Variants in PATJ observed in about 807,000 individuals in gnomAD.
PATJ encodes the protein PATJ crumbs cell polarity complex component, also known as inaD-like protein.
A neutral mutation model predicts 224.9 loss-of-function variants in PATJ; 190 were observed. The observed-to-expected ratio is 0.84, with a 90% CI of 0.75 to 0.95. The LOEUF (loss-of-function observed/expected upper bound fraction) is 0.95, where lower values mean the gene tolerates loss of function less well. Ranked by LOEUF, PATJ falls within the 40% of genes least tolerant of loss-of-function variation. PATJ has a pLI of 0.00. For synonymous variants in PATJ, 769 were observed against 820.3 expected (o/e 0.94, Z 1.07); for missense variants, 2,121 against 2,270.3 (o/e 0.93, Z 1.34).
At chr1:61,969,809 T>A (rs1682690235) in intron 27 of PATJ, among the ~76,000 whole-genome samples, 1 of 152,128 alleles carries the variant, frequency 6.6e-6, no homozygotes, top group Admixed American at 6.5e-5. Flanking sequence ...TTCTCGTGCC[T>A]CAGCCGCCTG....
intron 28 of PATJ, among the ~76,000 whole-genome samples, chr1:62,004,179 T>C (rs1247157200): frequency 1.3e-5 from 2 of 152,170 alleles, no homozygotes; most frequent in South Asian, 2.1e-4. Context: ...ACTTACAGAG[T>C]ACCGGATCCT....
At chr1:61,880,158 T>A (rs987418951) in intron 21 of PATJ, among the ~76,000 whole-genome samples, 3 of 152,224 alleles carry the variant, frequency 2.0e-5, no homozygotes, top group Admixed American at 2.0e-4. Context: ...TCCTACCTGT[T>A]GCCTTATTTT....
intron 24 of PATJ, among the ~76,000 whole-genome samples, chr1:61,905,966 C>T (rs1240516423): frequency 2.0e-5 from 3 of 152,286 alleles, no homozygotes; most frequent in African/African-American, 4.8e-5. Context: ...TCTAGCATTA[C>T]ATCACACAGT....
In PATJ at chr1:62,161,382, A is replaced by G. The variant is rs1359637973; in HGVS notation, c.*328A>G. 1 of 157,546 alleles carries G rather than the reference A, an allele frequency of 6.3e-6. No individual in the cohort carries two copies. 9.8% of individuals were successfully genotyped at this position (157,546 alleles called of 1,614,324 possible). ...GAGACGGAGTCTCACTCTGTCACCCAGGCTGGAGTGCAATGGCGCAATCTT... is the reference window on the plus strand; with the variant it reads ...GAGACGGAGTCTCACTCTGTCACCCGGGCTGGAGTGCAATGGCGCAATCTT... On this transcript the variant is annotated 3_prime_UTR_variant, in exon 44 of 44. Coordinates refer to ENST00000642238, the MANE Select transcript of PATJ (RefSeq NM_001350145.3).
At chr1:61,758,737 A>G (rs542666908) in intron 1 of PATJ, among the ~76,000 whole-genome samples, 15 of 151,996 alleles carry the variant, frequency 9.9e-5, no homozygotes, top group African/African-American at 3.4e-4. Context: ...TTCCTAAAGA[A>G]AGCCTTTTCT....
chr1:61,797,341 C>T lies in PATJ; in HGVS notation c.1315C>T (p.Arg439Ter), dbSNP rs200079447. ...CAACCATGATGTTGTTGAAGTATTACGAAATGCAGGGCAGGTGGTACACCT... is the reference window on the plus strand; with the variant it reads ...CAACCATGATGTTGTTGAAGTATTATGAAATGCAGGGCAGGTGGTACACCT... The part of the protein sequence containing the change: ...FANHDVVEVL[R>*]NAGQVVHLTL... Residue 439 changes from arginine to a stop codon, truncating the protein, a stop_gained, in exon 11 of 44, where the codon CGA (arginine) becomes TGA (stop). Coordinates refer to ENST00000642238, the MANE Select transcript of PATJ (RefSeq NM_001350145.3). LOFTEE classifies it high-confidence loss of function. The T allele has an allele frequency of 3.5e-5, 56 of 1,613,798 alleles. No individual in the cohort carries two copies. The highest frequency in any genetic ancestry group is 8.0e-5 in the African/African-American group (6 of 74,932).
At chr1:61,996,424 T>A (rs1484164926) in intron 28 of PATJ, among the ~76,000 whole-genome samples, 1 of 152,218 alleles carries the variant, frequency 6.6e-6, no homozygotes, top group African/African-American at 2.4e-5. Flanking sequence ...AAAACTTAGA[T>A]GTGTTTGGAA....
At chr1:62,158,467 C>T (rs907563317) in intron 43 of PATJ, among the ~76,000 whole-genome samples, 5 of 148,646 alleles carry the variant, frequency 3.4e-5, no homozygotes, top group Non-Finnish European at 6.0e-5. Context: ...CACCTGTAAT[C>T]CCAGCACTTT....
intron 22 of PATJ, among the ~76,000 whole-genome samples, chr1:61,891,624 C>T (rs1488930586): frequency 6.6e-6 from 1 of 152,168 alleles, no homozygotes; most frequent in Non-Finnish European, 1.5e-5. Context: ...AAATACTACA[C>T]TAATGCCTTT....
intron 9 of PATJ, among the ~76,000 whole-genome samples, chr1:61,793,718 G>A (rs899163700): frequency 4.3e-5 from 5 of 115,402 alleles, no homozygotes; most frequent in African/African-American, 6.4e-5. Context: ...GCCAGATCCT[G>A]TTTCAAAAAA....
chr1:62,144,431 TTG>T (rs1253141379), intron 41 of PATJ, among the ~76,000 whole-genome samples: 1 of 152,170 alleles, frequency 6.6e-6, no homozygotes, highest in East Asian at 1.9e-4. Context: ...GTGCCCTCTG[TTG>T]GCCTTTTCTG....
At position 61,766,157 on chromosome 1, in the gene PATJ, T is replaced by C. The variant is rs115037596; in HGVS notation, c.190-122T>C. 1,242 of 671,544 alleles carry C rather than the reference T, an allele frequency of 1.8e-3. 12 individuals are homozygous for C. The African/African-American group carries it at 0.021, about 11-fold the overall frequency. 41.6% of individuals were successfully genotyped at this position (671,544 alleles called of 1,614,324 possible). On this transcript the variant is annotated intron_variant, in intron 3 of 43. Transcript: ENST00000642238. Reference sequence around the variant, plus strand: ...ACACAGATTTGATCTATCTTTACCTTATTTCTTTTCCATGTATATATTTAA... The same window carrying C: ...ACACAGATTTGATCTATCTTTACCTCATTTCTTTTCCATGTATATATTTAA...
At chr1:61,757,695 T>A (rs1296897428) in intron 1 of PATJ, among the ~76,000 whole-genome samples, 1 of 152,210 alleles carries the variant, frequency 6.6e-6, no homozygotes, top group Non-Finnish European at 1.5e-5. Flanking sequence ...TCCCTAGTTT[T>A]TAAATTATAA....
At chr1:62,020,291 A>G (rs1647006783) in intron 29 of PATJ, among the ~76,000 whole-genome samples, 2 of 152,196 alleles carry the variant, frequency 1.3e-5, no homozygotes, top group Non-Finnish European at 2.9e-5. Flanking sequence ...TACATATGCA[A>G]TGTAAATGTA....
In PATJ at chr1:62,073,278, C is replaced by T. The variant is rs190270722; in HGVS notation, c.4126-6172C>T. ...ATCATTGATTCTGTGCAAGTTGATG[C>T]AAATATCTTGTGTTCACCTCTCTGT... On this transcript the variant is annotated intron_variant, in intron 31 of 43. Transcript: ENST00000642238. 3.5e-5 allele frequency: 34 copies of T among 985,294 alleles called. No homozygotes were observed. The African/African-American group carries it at 5.4e-4, about 16-fold the overall frequency. 61.0% of individuals were successfully genotyped at this position (985,294 alleles called of 1,614,324 possible).
At chr1:62,058,257 A>G (rs929612587) in intron 31 of PATJ, among the ~76,000 whole-genome samples, 13 of 152,206 alleles carry the variant, frequency 8.5e-5, no homozygotes, top group African/African-American at 3.1e-4. Flanking sequence ...GAGCTGTGAC[A>G]TGGAAATGCA....
chr1:62,129,519 T>C (rs1466915158), intron 41 of PATJ, among the ~76,000 whole-genome samples: 1 of 152,254 alleles, frequency 6.6e-6, no homozygotes, highest in East Asian at 1.9e-4. Context: ...GCTTATATTT[T>C]AGCCCTTCAG....
chr1:62,024,458 A>G (rs1213946633), intron 29 of PATJ, among the ~76,000 whole-genome samples: 1 of 152,170 alleles, frequency 6.6e-6, no homozygotes, highest in Non-Finnish European at 1.5e-5. Flanking sequence ...CCATTCCTTA[A>G]TATAATACCT....
chr1:61,818,823 C>G (rs1656693111), intron 14 of PATJ, among the ~76,000 whole-genome samples: 1 of 152,160 alleles, frequency 6.6e-6, no homozygotes. Context: ...TCTGCGAATC[C>G]TGACTCCAGC....
Sources: allele counts gnomAD v4.1 joint callset (sites outside exome capture counted in the v4.1 genomes callset), GRCh38; gene constraint gnomAD v4.1.1; transcripts MANE v1.5; gene names NCBI Gene and HGNC (gene_info 2026-07-23, HGNC 2026-07-21).